The following SH3RF3 variants were observed in gnomAD, a reference collection of about 807,000 sequenced individuals.
SH3RF3 encodes the protein SH3 domain containing ring finger 3.
SH3RF3 carries 29 observed loss-of-function variants against 66.3 expected under a neutral mutation model. That is an observed-to-expected ratio of 0.44 (90% CI 0.33 to 0.60). The LOEUF (loss-of-function observed/expected upper bound fraction) is 0.60. Ranked by LOEUF, SH3RF3 falls within the 20% of genes least tolerant of loss-of-function variation. The pLI, the probability that SH3RF3 is intolerant of heterozygous loss-of-function variation, is 0.04. For synonymous variants in SH3RF3, 583 were observed against 532.0 expected, an observed-to-expected ratio of 1.10 and a Z score of -1.32; for missense variants, 1,194 against 1,190.9, an observed-to-expected ratio of 1.00 and a Z score of -0.04.
At chr2:109,268,918 C>G (rs1680565695) in intron 1 of SH3RF3, among the ~76,000 whole-genome samples, 1 of 152,090 alleles carries the variant, frequency 6.6e-6, no homozygotes, top group Non-Finnish European at 1.5e-5. Context: ...AAATGTAACC[C>G]CATTATAAGT....
chr2:109,227,717 A>C (rs1032882868), intron 1 of SH3RF3, among the ~76,000 whole-genome samples: 11 of 152,324 alleles, frequency 7.2e-5, no homozygotes, highest in African/African-American at 2.4e-4. Flanking sequence ...CTTCTCTGCA[A>C]GTGCCAGAAT....
At chr2:109,404,904 T>C (rs1263723525) in intron 4 of SH3RF3, among the ~76,000 whole-genome samples, 3 of 152,098 alleles carry the variant, frequency 2.0e-5, no homozygotes, top group Non-Finnish European at 4.4e-5. Flanking sequence ...CAGCACCCCT[T>C]CCTGAACCTG....
Position 109,436,875 on chromosome 2 carries a change from T to C in SH3RF3, c.1575-18T>C. ...CTCTGAGCCTCTCATCAGAATTCCT[T>C]CTGCTTTCTCTCCACAGGGTGCCTG... is the stretch of plus-strand genomic sequence containing the variant. On this transcript the variant is annotated intron_variant, in intron 6 of 9. Transcript: ENST00000309415. 1 of 1,610,140 alleles carries C rather than the reference T, an allele frequency of 6.2e-7. No individual in the cohort carries two copies. The highest frequency in any genetic ancestry group is 1.7e-4 in the Middle Eastern group (1 of 6,056).
Position 109,398,929 on chromosome 2 carries a change from G to T in SH3RF3, c.1285G>T (p.Ala429Ser). 6.2e-7 allele frequency: 1 copy of T among 1,611,796 alleles called. No homozygotes were observed. The highest frequency in any genetic ancestry group is 1.1e-5 in the South Asian group (1 of 90,944). The change falls in exon 4 of 10, where the codon GCT (alanine) becomes TCT (serine). Residue 429 changes from alanine to serine, a missense_variant. Transcript: ENST00000309415. ...RIGDLAHLSC[A>S]APTQDVSSSA... ...TGGAGACCTTGCTCATCTGTCGTGC[G>T]CTGCTCCCACCCAGGTAACATCCCG...
intron 1 of SH3RF3, among the ~76,000 whole-genome samples, chr2:109,312,523 C>T (rs919370511): frequency 1.3e-5 from 2 of 152,158 alleles, no homozygotes; most frequent in Admixed American, 1.3e-4. Flanking sequence ...CATCAGCAGC[C>T]ACCCCGCTGG....
chr2:109,335,205 C>T (rs943761524), intron 1 of SH3RF3, among the ~76,000 whole-genome samples: 1 of 152,250 alleles, frequency 6.6e-6, no homozygotes, highest in Non-Finnish European at 1.5e-5. Context: ...CCGAGGCCTA[C>T]GCACCTCAGA....
At chr2:109,390,806 T>C (rs955159858) in intron 3 of SH3RF3, among the ~76,000 whole-genome samples, 2 of 152,164 alleles carry the variant, frequency 1.3e-5, no homozygotes, top group Admixed American at 6.5e-5. Context: ...CTACCCACTA[T>C]GAGATGAGCC....
intron 3 of SH3RF3, among the ~76,000 whole-genome samples, chr2:109,388,049 G>A (rs554316901): frequency 6.0e-4 from 92 of 152,264 alleles, no homozygotes; most frequent in Non-Finnish European, 9.1e-4. Context: ...AGCCCTCACA[G>A]CCTGAACTCC....
intron 7 of SH3RF3, among the ~76,000 whole-genome samples, chr2:109,440,821 C>G (rs981876887): frequency 5.3e-5 from 8 of 152,136 alleles, no homozygotes; most frequent in Non-Finnish European, 1.2e-4. Context: ...CAGGTGACAA[C>G]TCATCTGCAT....
intron 8 of SH3RF3, among the ~76,000 whole-genome samples, chr2:109,467,396 G>A (rs1678381727): frequency 1.3e-5 from 2 of 152,226 alleles, no homozygotes; most frequent in South Asian, 2.1e-4. Context: ...GCCACTGGAG[G>A]GTCCCGTGTC....
intron 1 of SH3RF3, among the ~76,000 whole-genome samples, chr2:109,181,865 A>G (rs1678081806): frequency 6.6e-6 from 1 of 152,156 alleles, no homozygotes; most frequent in Admixed American, 6.5e-5. Flanking sequence ...CCTGGCAGGA[A>G]TTAGGTTTAT....
chr2:109,470,813 C>T (rs1573279162), intron 8 of SH3RF3, among the ~76,000 whole-genome samples: 1 of 152,354 alleles, frequency 6.6e-6, no homozygotes, highest in East Asian at 1.9e-4. Flanking sequence ...AGTCAGCTCA[C>T]AGCAAACAAA....
At chr2:109,488,792 C>T (rs948421926) in intron 8 of SH3RF3, among the ~76,000 whole-genome samples, 2 of 152,232 alleles carry the variant, frequency 1.3e-5, no homozygotes, top group Admixed American at 1.3e-4. Flanking sequence ...TAGGCTGTTT[C>T]CTATTGCTCA....
At chr2:109,361,207 C>A (rs868204067) in intron 2 of SH3RF3, among the ~76,000 whole-genome samples, 1 of 151,958 alleles carries the variant, frequency 6.6e-6, no homozygotes, top group Admixed American at 6.6e-5. Context: ...TCTTTTTATA[C>A]CTTGTTGGAT....
At chr2:109,376,779 G>T (rs1201252717) in intron 3 of SH3RF3, among the ~76,000 whole-genome samples, 1 of 152,218 alleles carries the variant, frequency 6.6e-6, no homozygotes, top group Non-Finnish European at 1.5e-5. Flanking sequence ...CACCCCACAC[G>T]TGCATGTGGT....
At chr2:109,318,806 G>C (rs1681948919) in intron 1 of SH3RF3, among the ~76,000 whole-genome samples, 2 of 152,196 alleles carry the variant, frequency 1.3e-5, no homozygotes, top group Non-Finnish European at 2.9e-5. Context: ...TCTGGCCTGA[G>C]GCCACCCATC....
Position 109,449,408 on chromosome 2 carries a change from T to C in SH3RF3, c.2067T>C (p.Ala689=), listed in dbSNP as rs761151015. ...NVSAANLNGE[A]GGGPIGVLST... is the part of the protein sequence containing the mutation. ...GTGCCGCAAACCTCAACGGGGAGGC[T>C]GGAGGGGGGCCCATCGGTGTTCTGT... is the stretch of plus-strand genomic sequence containing the variant. The change falls in exon 8 of 10, where the codon GCT becomes GCC. Residue 689 remains alanine, a synonymous_variant. Transcript: ENST00000309415. 41 of 1,613,400 alleles carry C rather than the reference T, an allele frequency of 2.5e-5. No homozygotes were observed. Among genetic ancestry groups the C allele is most frequent in the Non-Finnish European group, 3.1e-5 (37 of 1,179,722 alleles).
chr2:109,306,352 C>T (rs530025479), intron 1 of SH3RF3, among the ~76,000 whole-genome samples: 34 of 152,338 alleles, frequency 2.2e-4, no homozygotes, highest in South Asian at 6.2e-4. Context: ...CCAACCCCTG[C>T]GCATACTCCA....
chr2:109,449,840 G>A (rs1349826755), intron 8 of SH3RF3, among the ~76,000 whole-genome samples: 2 of 152,170 alleles, frequency 1.3e-5, no homozygotes, highest in Admixed American at 6.5e-5. Context: ...CCATGTGCTG[G>A]GATATTGTAA....
Sources: gnomAD v4.1 joint callset for allele counts (sites outside exome capture counted in the v4.1 genomes callset) on GRCh38, gnomAD v4.1.1 for gene constraint, MANE v1.5 for transcripts, NCBI Gene and HGNC (gene_info 2026-07-23, HGNC 2026-07-21) for gene names.